Variants in DAB1 observed in about 807,000 individuals in gnomAD.
DAB1 encodes the protein DAB adaptor protein 1.
Under a neutral mutation model 64.6 loss-of-function variants are expected in DAB1, and 15 were observed. The ratio of observed to expected loss-of-function variants is 0.23; its 90% CI spans 0.16 to 0.36. The LOEUF (loss-of-function observed/expected upper bound fraction) is 0.36, where lower values mean the gene tolerates loss of function less well. Ranked by LOEUF, DAB1 falls within the 10% of genes least tolerant of loss-of-function variation. DAB1 has a pLI of 1.00. For synonymous variants in DAB1, 235 were observed against 251.9 expected (o/e 0.93, Z 0.64); for missense variants, 596 against 706.7 (o/e 0.84, Z 1.78).
At chr1:57,932,964 A>C (rs959550714) in intron 5 of DAB1, among the ~76,000 whole-genome samples, 1 of 152,210 alleles carries the variant, frequency 6.6e-6, no homozygotes, top group Non-Finnish European at 1.5e-5. Context: ...ATGAGGGCAG[A>C]TCTTATTAGG....
chr1:57,369,609 T>C lies in DAB1; in HGVS notation c.-137+54321A>G, dbSNP rs143827858. Among the ~76,000 whole-genome samples, 190 of 152,270 alleles carry C rather than the reference T, an allele frequency of 1.2e-3. 1 individual carries two copies. The highest frequency in any genetic ancestry group is 2.1e-3 in the Non-Finnish European group (143 of 68,016). On this transcript the variant is annotated intron_variant, in intron 1 of 14. Coordinates refer to ENST00000371236, the MANE Select transcript of DAB1 (RefSeq NM_001365792.1). ...TCTTGTAATGTCTATTTTCCTATAA[T>C]TATATCAGCTCATTGAATCTTCAAC...
chr1:58,042,717 G>A (rs899258190), intron 5 of DAB1, among the ~76,000 whole-genome samples: 3 of 152,210 alleles, frequency 2.0e-5, no homozygotes, highest in African/African-American at 7.2e-5. Context: ...AGCATAGTCA[G>A]TACTTCAACA....
At chr1:57,732,640 G>A (rs1647489578) in intron 6 of DAB1, among the ~76,000 whole-genome samples, 1 of 152,186 alleles carries the variant, frequency 6.6e-6, no homozygotes. Context: ...ATCATCACCT[G>A]TGTGTCAGGT....
intron 5 of DAB1, among the ~76,000 whole-genome samples, chr1:57,999,551 A>G (rs1363205224): frequency 6.6e-6 from 1 of 152,184 alleles, no homozygotes; most frequent in Non-Finnish European, 1.5e-5. Flanking sequence ...TCTCTCAACC[A>G]AGAGCAATTC....
At chr1:57,867,071 A>G (rs1454736601) in intron 1 of DAB1, 2 of 152,150 alleles carry the variant, frequency 1.3e-5, no homozygotes, top group Admixed American at 6.5e-5. Flanking sequence ...GCATTTACCA[A>G]ATTGCAAAGG....
intron 5 of DAB1, among the ~76,000 whole-genome samples, chr1:57,929,390 G>A (rs1375951645): frequency 6.6e-6 from 1 of 152,124 alleles, no homozygotes; most frequent in East Asian, 1.9e-4. Context: ...TTCAGTCCAT[G>A]TTTTGTTCTT....
Position 57,015,334 on chromosome 1 carries a change from C to T in DAB1, c.993G>A (p.Gln331=). ...CGATGGGCTGAGCCCCCGGCATCAC[C>T]TGAGCGACTGGTGGCTGGGCACCCA... ...MVMGAQPPVA[Q]VMPGAQPIAW... The change falls in exon 12 of 15, where the codon CAG becomes CAA. Residue 331 remains glutamine, a synonymous_variant. Transcript: ENST00000371236. 1 of 1,614,094 alleles carries T rather than the reference C, an allele frequency of 6.2e-7. No individual in the cohort carries two copies. Among genetic ancestry groups the T allele is most frequent in the Non-Finnish European group, 8.5e-7 (1 of 1,180,036 alleles).
At chr1:57,446,013 T>A (rs911206002) in intron 7 of DAB1, among the ~76,000 whole-genome samples, 1 of 152,198 alleles carries the variant, frequency 6.6e-6, no homozygotes, top group Admixed American at 6.5e-5. Flanking sequence ...GCTCTGGGAA[T>A]CAGATTATCT....
chr1:57,461,966 T>G (rs932869741), intron 7 of DAB1, among the ~76,000 whole-genome samples: 22 of 139,942 alleles, frequency 1.6e-4, no homozygotes, highest in African/African-American at 6.2e-4. Flanking sequence ...TTTTTTTTTT[T>G]TTTTTACACA....
At chr1:57,689,886 CT>C (rs1000838865) in intron 6 of DAB1, among the ~76,000 whole-genome samples, 2 of 152,084 alleles carry the variant, frequency 1.3e-5, no homozygotes, top group Non-Finnish European at 2.9e-5. Flanking sequence ...TTAACTATCC[CT>C]GTCTCTCCCC....
At chr1:58,348,395 C>T (rs577326965) in intron 3 of DAB1, among the ~76,000 whole-genome samples, 1 of 152,102 alleles carries the variant, frequency 6.6e-6, no homozygotes, top group South Asian at 2.1e-4. Context: ...CTAGAAGTCT[C>T]TAAATGCTGG....
Position 58,219,309 on chromosome 1 carries a change from T to C in DAB1, n.310-68721A>G, listed in dbSNP as rs187346080. Among the ~76,000 whole-genome samples, 121 of 152,232 alleles carry C rather than the reference T, an allele frequency of 7.9e-4. 1 individual carries two copies. The highest frequency in any genetic ancestry group is 2.8e-3 in the African/African-American group (117 of 41,528). On this transcript the variant is annotated intron_variant and non_coding_transcript_variant, in intron 4 of 20. Transcript: ENST00000485760. ...GAAAGAAGGAAGGAAATGCTTCTTATATAGAAAAGCAGGCAGCTACGGGGT... is the reference window on the plus strand; with the variant it reads ...GAAAGAAGGAAGGAAATGCTTCTTACATAGAAAAGCAGGCAGCTACGGGGT...
rs1381884786 is a variant in DAB1, at chr1:58,067,064, A to G, written n.387+83447T>C. Reference sequence around the variant, plus strand: ...CCTCATCTCTGCTCCCCATCAGAATAGCTAATTCCTCTCATTCCACAAGCA... The same window carrying G: ...CCTCATCTCTGCTCCCCATCAGAATGGCTAATTCCTCTCATTCCACAAGCA... On this transcript the variant is annotated intron_variant and non_coding_transcript_variant, in intron 5 of 20. Transcript: ENST00000485760. Among the ~76,000 whole-genome samples the G allele has an allele frequency of 3.3e-5, 5 of 152,300 alleles. No homozygotes were observed. The East Asian group carries it at 9.6e-4, about 29-fold the overall frequency.
intron 4 of DAB1, chr1:58,228,949 G>C: frequency 4.3e-6 from 2 of 467,044 alleles, no homozygotes; most frequent in South Asian, 3.7e-5. Context: ...GATTGACTGA[G>C]GATGCTGTCC....
intron 5 of DAB1, among the ~76,000 whole-genome samples, chr1:58,054,746 C>A (rs910301620): frequency 6.6e-6 from 1 of 152,162 alleles, no homozygotes; most frequent in East Asian, 1.9e-4. Flanking sequence ...AAATAACAGG[C>A]CACTGTGAGT....
chr1:57,323,680 T>C (rs921054075), intron 1 of DAB1, among the ~76,000 whole-genome samples: 1 of 152,170 alleles, frequency 6.6e-6, no homozygotes, highest in Admixed American at 6.5e-5. Flanking sequence ...CTACTGCAGA[T>C]AGTGTATGTT....
intron 4 of DAB1, among the ~76,000 whole-genome samples, chr1:57,133,537 C>T (rs2100787504): frequency 6.6e-6 from 1 of 152,260 alleles, no homozygotes; most frequent in South Asian, 2.1e-4. Flanking sequence ...AATGTATGAA[C>T]AGCTTTCACT....
chr1:57,540,090 A>G (rs1189265744), intron 7 of DAB1, among the ~76,000 whole-genome samples: 3 of 152,212 alleles, frequency 2.0e-5, no homozygotes, highest in South Asian at 2.1e-4. Context: ...ACTATGGGCC[A>G]AGCTCTGGCC....
intron 9 of DAB1, among the ~76,000 whole-genome samples, chr1:57,056,995 G>A (rs1451837188): frequency 6.6e-6 from 1 of 152,144 alleles, no homozygotes; most frequent in Non-Finnish European, 1.5e-5. Context: ...AGTTCAGCAA[G>A]AGTACTGGAG....
Sources: gnomAD v4.1 joint callset for allele counts (sites outside exome capture counted in the v4.1 genomes callset) on GRCh38, gnomAD v4.1.1 for gene constraint, MANE v1.5 for transcripts, NCBI Gene and HGNC (gene_info 2026-07-23, HGNC 2026-07-21) for gene names.